Variants in SNTG1 observed in about 807,000 individuals in gnomAD.
The protein encoded by SNTG1 is syntrophin gamma 1.
SNTG1 carries 39 observed loss-of-function variants against 74.7 expected under a neutral mutation model. The ratio of observed to expected loss-of-function variants is 0.52; its 90% CI spans 0.40 to 0.68. The LOEUF is 0.68. Ranked by LOEUF, SNTG1 falls within the 30% of genes least tolerant of loss-of-function variation. The pLI, the probability that SNTG1 is intolerant of heterozygous loss-of-function variation, is 0.00. For synonymous variants in SNTG1, 254 were observed against 217.1 expected, an observed-to-expected ratio of 1.17 and a Z score of -1.49; for missense variants, 685 against 609.5, an observed-to-expected ratio of 1.12 and a Z score of -1.30.
intron 18 of SNTG1, among the ~76,000 whole-genome samples, chr8:50,781,435 A>G (rs1004535480): frequency 1.3e-5 from 2 of 152,056 alleles, no homozygotes; most frequent in African/African-American, 4.8e-5. Flanking sequence ...TTCTTGTTGA[A>G]TTGATCCGTT....
intron 1 of SNTG1, among the ~76,000 whole-genome samples, chr8:49,925,961 T>C: frequency 6.6e-6 from 1 of 152,172 alleles, no homozygotes; most frequent in Non-Finnish European, 1.5e-5. Context: ...ACTTGATCAC[T>C]TAATAGGACG....
chr8:50,108,931 G>A (rs2080481721), intron 1 of SNTG1, among the ~76,000 whole-genome samples: 2 of 152,164 alleles, frequency 1.3e-5, no homozygotes, highest in Admixed American at 1.3e-4. Flanking sequence ...AGCAATCTTA[G>A]CATCACTTCT....
chr8:50,007,970 A>G (rs956078126), intron 1 of SNTG1, among the ~76,000 whole-genome samples: 9 of 152,038 alleles, frequency 5.9e-5, no homozygotes, highest in African/African-American at 2.2e-4. Flanking sequence ...CACACTTTTA[A>G]AACCATCAGA....
intron 1 of SNTG1, among the ~76,000 whole-genome samples, chr8:50,050,467 C>A (rs1160673522): frequency 1.3e-5 from 2 of 151,940 alleles, no homozygotes; most frequent in African/African-American, 4.8e-5. Flanking sequence ...TAATAACCTT[C>A]CAAAACAAAA....
chr8:50,576,186 G>A (rs573498647), intron 12 of SNTG1, among the ~76,000 whole-genome samples: 2 of 152,220 alleles, frequency 1.3e-5, no homozygotes, highest in South Asian at 4.1e-4. Context: ...CCAGCTTCAT[G>A]ATTTTGCATA....
intron 2 of SNTG1, among the ~76,000 whole-genome samples, chr8:50,236,881 G>T (rs2085933772): frequency 6.6e-6 from 1 of 151,870 alleles, no homozygotes; most frequent in Non-Finnish European, 1.5e-5. Flanking sequence ...ACTTTCTCTG[G>T]GTTATTTGGA....
chr8:50,708,118 T>C (rs1334907859), intron 16 of SNTG1: 1 of 212,444 alleles, frequency 4.7e-6, no homozygotes, highest in Non-Finnish European at 9.2e-6. Flanking sequence ...AGAGCATTTA[T>C]TGAACCCAAC....
In SNTG1 at chr8:50,570,564, TTTATTA is replaced by T. The variant is rs577888118; in HGVS notation, c.810+17403_810+17408del. ...TGAGCCACCACGTCCAGCCTTATTT[TTTATTA>T]TTATTATTATTATTATTGTTGTTAT... On this transcript the variant is annotated intron_variant, in intron 12 of 18. Transcript: ENST00000642720. Among the ~76,000 whole-genome samples, 977 of 129,724 alleles carry T rather than the reference TTTATTA, an allele frequency of 7.5e-3. 14 individuals are homozygous for T. Among genetic ancestry groups the T allele is most frequent in the African/African-American group, 0.025 (841 of 34,264 alleles). 85.1% of individuals were successfully genotyped at this position (129,724 alleles called of 152,430 possible). A position where few individuals can be genotyped will look rare whatever the true frequency, so the allele number is the denominator to read the frequency against.
At chr8:50,435,202 G>T (rs1243820611) in intron 4 of SNTG1, among the ~76,000 whole-genome samples, 4 of 151,804 alleles carry the variant, frequency 2.6e-5, no homozygotes, top group African/African-American at 7.3e-5. Context: ...TATTAATCTT[G>T]GGCTCAATCC....
At chr8:50,052,726 A>G (rs1374633788) in intron 1 of SNTG1, among the ~76,000 whole-genome samples, 1 of 152,180 alleles carries the variant, frequency 6.6e-6, no homozygotes, top group African/African-American at 2.4e-5. Context: ...GACAGTAAAA[A>G]GACAACCCAA....
intron 1 of SNTG1, among the ~76,000 whole-genome samples, chr8:50,136,633 G>T (rs1416883256): frequency 6.6e-6 from 1 of 152,172 alleles, no homozygotes; most frequent in Non-Finnish European, 1.5e-5. Flanking sequence ...CTGATAGCCA[G>T]GTGGGCAATG....
chr8:50,312,038 T>A (rs2090133319), intron 2 of SNTG1, among the ~76,000 whole-genome samples: 2 of 151,114 alleles, frequency 1.3e-5, no homozygotes, highest in Admixed American at 1.3e-4. Flanking sequence ...GATTTTGGAA[T>A]GTATTTTGTG....
chr8:50,083,699 C>A (rs757872933), intron 1 of SNTG1, among the ~76,000 whole-genome samples: 1 of 151,984 alleles, frequency 6.6e-6, no homozygotes, highest in East Asian at 1.9e-4. Flanking sequence ...ATGTTAATAT[C>A]CCTTGTGGTG....
At chr8:50,233,072 TTA>T (rs1381968802) in intron 2 of SNTG1, among the ~76,000 whole-genome samples, 1 of 151,524 alleles carries the variant, frequency 6.6e-6, no homozygotes, top group Non-Finnish European at 1.5e-5. Context: ...GTTGTAAAAT[TTA>T]TAGAATCAAG....
intron 9 of SNTG1, among the ~76,000 whole-genome samples, chr8:50,517,879 C>G (rs1476642175): frequency 6.6e-6 from 1 of 152,076 alleles, no homozygotes; most frequent in Non-Finnish European, 1.5e-5. Flanking sequence ...ACCCCACTGT[C>G]AATATTAGAC....
intron 1 of SNTG1, among the ~76,000 whole-genome samples, chr8:50,095,050 A>T (rs1221744556): frequency 6.6e-6 from 1 of 152,196 alleles, no homozygotes; most frequent in Non-Finnish European, 1.5e-5. Context: ...AAGCTAATGC[A>T]GAAACAGAAA....
intron 2 of SNTG1, among the ~76,000 whole-genome samples, chr8:50,393,454 C>G (rs891114649): frequency 6.6e-6 from 1 of 152,134 alleles, no homozygotes; most frequent in Non-Finnish European, 1.5e-5. Context: ...ATTTACTTAT[C>G]CATTATATTT....
At chr8:50,642,667 A>G (rs1334031635) in intron 13 of SNTG1, among the ~76,000 whole-genome samples, 1 of 152,096 alleles carries the variant, frequency 6.6e-6, no homozygotes, top group Non-Finnish European at 1.5e-5. Flanking sequence ...CTTTAAGCCT[A>G]TACTCAAATG....
At chr8:50,254,055 C>T (rs1383310830) in intron 2 of SNTG1, among the ~76,000 whole-genome samples, 1 of 152,112 alleles carries the variant, frequency 6.6e-6, no homozygotes, top group African/African-American at 2.4e-5. Flanking sequence ...TTTGAATATT[C>T]TCACCTCAAT....
Sources: allele counts gnomAD v4.1 joint callset (sites outside exome capture counted in the v4.1 genomes callset), GRCh38; gene constraint gnomAD v4.1.1; transcripts MANE v1.5; gene names NCBI Gene and HGNC (gene_info 2026-07-23, HGNC 2026-07-21).